Variants in TAOK1 observed in about 807,000 individuals in gnomAD.
TAOK1 encodes the protein serine/threonine-protein kinase TAO1.
In TAOK1, 21 loss-of-function variants were observed where a neutral mutation model predicts 138.3. The observed-to-expected ratio is 0.15, with a 90% confidence interval of 0.11 to 0.22. The LOEUF is 0.22. Among genes scored for constraint, TAOK1 ranks in the 10% least tolerant of loss-of-function variants. The pLI is 1.00. For synonymous variants in TAOK1, 361 were observed against 398.4 expected (o/e 0.91, Z 1.12); for missense variants, 651 against 1,227.7 (o/e 0.53, Z 7.02).
intron 9 of TAOK1, among the ~76,000 whole-genome samples, chr17:29,490,201 C>T (rs1314054354): frequency 6.6e-6 from 1 of 151,786 alleles, no homozygotes; most frequent in African/African-American, 2.4e-5. Flanking sequence ...ATCAAAATTA[C>T]CAGGTAATTA....
chr17:29,477,268 C>T (rs571347800), intron 4 of TAOK1, among the ~76,000 whole-genome samples: 41 of 152,102 alleles, frequency 2.7e-4, no homozygotes, highest in African/African-American at 9.2e-4. Context: ...TGTCTTCTAA[C>T]GATGATCAAT....
chr17:29,467,357 T>G (rs1054044907), intron 3 of TAOK1, 141 bp downstream of exon 3: 4 of 354,880 alleles, frequency 1.1e-5, no homozygotes, highest in Non-Finnish European at 1.5e-5. Flanking sequence ...CACTGCAAGC[T>G]CCGCCTCCCA....
chr17:29,418,916 T>A (rs1470056016), intron 1 of TAOK1, among the ~76,000 whole-genome samples: 1 of 140,242 alleles, frequency 7.1e-6, no homozygotes, highest in Non-Finnish European at 1.5e-5. Flanking sequence ...GTTTTGGCTA[T>A]TCTGGGTGCT....
intron 2 of TAOK1, among the ~76,000 whole-genome samples, chr17:29,464,970 G>A (rs1283781032): frequency 6.6e-6 from 1 of 151,518 alleles, no homozygotes; most frequent in East Asian, 1.9e-4. Context: ...ACAGACATGT[G>A]CCACTATGCC....
chr17:29,502,497 G>A (rs2153028672), intron 12 of TAOK1, 92 bp from the exon 13 acceptor site: 1 of 1,364,636 alleles, frequency 7.3e-7, no homozygotes, highest in Non-Finnish European at 9.9e-7. Flanking sequence ...CTTTGAGATT[G>A]ATTGATCAAG....
intron 3 of TAOK1, among the ~76,000 whole-genome samples, chr17:29,474,645 G>A (rs2030901299): frequency 6.6e-6 from 1 of 152,062 alleles, no homozygotes; most frequent in Admixed American, 6.6e-5. Context: ...CACAGTTCAT[G>A]GCTCCCCAAA....
In TAOK1 at chr17:29,522,282, G is replaced by C. The variant is rs771255817; in HGVS notation, c.1911G>C (p.Glu637Asp). Residue 637 changes from glutamate (E) to aspartate (D), a missense_variant and splice_region_variant, in exon 17 of 20, where the codon GAG becomes GAC. Glu to Asp is a conservative substitution (Grantham distance 45). This residue lies in a region of TAOK1 where 258 missense variants were observed against 548.9 expected (regional missense o/e 0.47). Transcript: ENST00000261716. ...HNLEQDLVRE[E>D]LNKRQTQKDL... ...TTGTCTTTTGTGTTATGGATTAGGA[G>C]TTAAACAAAAGACAGACTCAGAAGG... 6.2e-7 allele frequency: 1 copy of C among 1,614,062 alleles called. No individual in the cohort carries two copies. Among genetic ancestry groups the C allele is most frequent in the Admixed American group, 1.7e-5 (1 of 59,996 alleles).
At chr17:29,430,569 T>C (rs774689481) in intron 1 of TAOK1, among the ~76,000 whole-genome samples, 2 of 152,196 alleles carry the variant, frequency 1.3e-5, no homozygotes, top group South Asian at 2.1e-4. Flanking sequence ...CCATCTGCAG[T>C]GCTCAGGAAA....
chr17:29,532,887 G>A (rs2032145261), intron 18 of TAOK1, among the ~76,000 whole-genome samples: 1 of 151,820 alleles, frequency 6.6e-6, no homozygotes, highest in African/African-American at 2.4e-5. Context: ...GGTGGTGGCC[G>A]GGCAGAGGCG....
At chr17:29,424,799 T>C (rs534381816) in intron 1 of TAOK1, 2 of 152,342 alleles carry the variant, frequency 1.3e-5, no homozygotes, top group East Asian at 3.9e-4. Context: ...TATGTCATCC[T>C]TGCTCAGCAG....
Position 29,508,136 on chromosome 17 carries a change from G to A in TAOK1, c.1575+4G>A. 6.2e-7 allele frequency: 1 copy of A among 1,609,958 alleles called. No individual in the cohort carries two copies. Among genetic ancestry groups the A allele is most frequent in the Non-Finnish European group, 8.5e-7 (1 of 1,176,386 alleles). On this transcript the variant is annotated splice_donor_region_variant and intron_variant, in intron 14 of 19. Coordinates refer to ENST00000261716, the MANE Select transcript of TAOK1 (RefSeq NM_020791.4). ...CCAGGCTGCCATGGAGAAAGAGGTG[G>A]CTTATTCAGTATTATTACTTTGCTT...
intron 1 of TAOK1, among the ~76,000 whole-genome samples, chr17:29,423,554 T>C (rs972559420): frequency 3.9e-5 from 6 of 152,072 alleles, no homozygotes; most frequent in Non-Finnish European, 7.4e-5. Context: ...AAGATTTTCC[T>C]GTGTCCCTGT....
chr17:29,537,851 C>T (rs1357348030), intron 19 of TAOK1, among the ~76,000 whole-genome samples: 1 of 152,154 alleles, frequency 6.6e-6, no homozygotes, highest in South Asian at 2.1e-4. Context: ...TGGCGGCTCA[C>T]GCCTGTAATC....
chr17:29,475,076 G>A (rs1431613292), intron 3 of TAOK1, among the ~76,000 whole-genome samples: 1 of 151,888 alleles, frequency 6.6e-6, no homozygotes, highest in Non-Finnish European at 1.5e-5. Flanking sequence ...GAGTACCTGG[G>A]ACTATAGGTG....
chr17:29,530,408 C>G lies in TAOK1; in HGVS notation c.2150C>G (p.Ser717Cys). 1 of 1,613,036 alleles carries G rather than the reference C, an allele frequency of 6.2e-7. No individual in the cohort carries two copies. Among genetic ancestry groups the G allele is most frequent in the Non-Finnish European group, 8.5e-7 (1 of 1,179,424 alleles). The stretch of plus-strand genomic sequence containing the variant: ...AAATGTATTTTTTTTTCTTCCCAGT[C>G]TAAAGAACTCCAAATAAAAAAGCAG... ...EVRQQPKSLK[S>C]KELQIKKQFQ... The change falls in exon 18 of 20, where the codon TCT becomes TGT. Residue 717 changes from serine to cysteine, a missense_variant and splice_region_variant. Ser to Cys is a moderately radical substitution (Grantham distance 112, BLOSUM62 -1). Around this residue, in one of 8 missense-constraint regions of TAOK1, gnomAD observed 258 missense variants for 548.9 expected, o/e 0.47. Coordinates refer to ENST00000261716, the MANE Select transcript of TAOK1 (RefSeq NM_020791.4).
chr17:29,397,676 C>CATGTATATTCATGTATGATAT (rs1220651036), intron 1 of TAOK1, among the ~76,000 whole-genome samples: 1 of 139,238 alleles, frequency 7.2e-6, no homozygotes, highest in Non-Finnish European at 1.5e-5. Flanking sequence ...TACATGTATA[C>CATGTATATTCATGTATGATAT]ATGTATACAT....
chr17:29,477,048 T>C (rs980849090), intron 4 of TAOK1, among the ~76,000 whole-genome samples: 3 of 152,166 alleles, frequency 2.0e-5, no homozygotes, highest in Non-Finnish European at 4.4e-5. Context: ...GGTTTCACCG[T>C]GTGTGCCAGG....
At chr17:29,471,359 G>A (rs781298827) in intron 3 of TAOK1, among the ~76,000 whole-genome samples, 10 of 129,850 alleles carry the variant, frequency 7.7e-5, no homozygotes, top group South Asian at 2.5e-4. Flanking sequence ...GGTTCACTGC[G>A]ACCTTCGCCT....
intron 11 of TAOK1, 41 bp from the exon 12 acceptor site, chr17:29,498,277 A>T: frequency 6.3e-7 from 1 of 1,597,254 alleles, no homozygotes; most frequent in South Asian, 1.1e-5. Context: ...AGAGAGATAT[A>T]TATTAATATT....
Sources: allele counts gnomAD v4.1 joint callset (sites outside exome capture counted in the v4.1 genomes callset), GRCh38; gene constraint gnomAD v4.1.1; regional missense constraint gnomAD v4.1.1; transcripts MANE v1.5; gene names NCBI Gene and HGNC (gene_info 2026-07-23, HGNC 2026-07-21).